The following SPAG16 variants were observed in gnomAD, a reference collection of about 807,000 sequenced individuals.
SPAG16 encodes the protein sperm-associated antigen 16 protein.
Under a neutral mutation model 80.4 loss-of-function variants are expected in SPAG16, and 86 were observed. The ratio of observed to expected loss-of-function variants is 1.07; its 90% CI spans 0.90 to 1.28. The LOEUF (loss-of-function observed/expected upper bound fraction) is 1.28, where lower values mean the gene tolerates loss of function less well. Ranked by LOEUF, SPAG16 falls within the 50% of genes most tolerant of loss-of-function variation. The probability of loss-of-function intolerance (pLI) is 0.00; values close to 1 mark genes in which losing one functional copy is unlikely to be tolerated. For synonymous variants in SPAG16, 294 were observed against 265.9 expected, an observed-to-expected ratio of 1.11 and a Z score of -1.03; for missense variants, 870 against 765.3, an observed-to-expected ratio of 1.14 and a Z score of -1.61.
In SPAG16 at chr2:213,317,270, T is replaced by C; in HGVS notation, c.450T>C (p.Val150=). ...GVTELRTVGN[V]PDVYTQIMLL... is the part of the protein sequence containing the mutation. The stretch of plus-strand genomic sequence containing the variant: ...CTGAACTTAGAACTGTTGGGAATGT[T>C]CCAGATGTCTACACCCAGATTATGC... The change falls in exon 5 of 16, where the codon GTT becomes GTC. Residue 150 remains valine, a synonymous_variant. Transcript: ENST00000331683. 1 of 1,610,462 alleles carries C rather than the reference T, an allele frequency of 6.2e-7. No individual in the cohort carries two copies. The highest frequency in any genetic ancestry group is 8.5e-7 in the Non-Finnish European group (1 of 1,177,786).
chr2:213,701,279 T>C (rs1293688358), intron 10 of SPAG16, among the ~76,000 whole-genome samples: 3 of 152,110 alleles, frequency 2.0e-5, no homozygotes, highest in Admixed American at 6.5e-5. Flanking sequence ...GATGATCTTA[T>C]AGGAAGGGGA....
At chr2:214,251,018 A>T (rs1690254150) in intron 15 of SPAG16, among the ~76,000 whole-genome samples, 1 of 151,782 alleles carries the variant, frequency 6.6e-6, no homozygotes, top group African/African-American at 2.4e-5. Context: ...TATGCACATA[A>T]AGCACTATTG....
At chr2:214,208,960 A>G (rs1016441775) in intron 15 of SPAG16, among the ~76,000 whole-genome samples, 4 of 152,174 alleles carry the variant, frequency 2.6e-5, no homozygotes, top group Admixed American at 6.5e-5. Flanking sequence ...TTTTATGGTT[A>G]CGGGATGAAG....
intron 6 of SPAG16, among the ~76,000 whole-genome samples, chr2:213,347,895 A>G (rs1048632022): frequency 2.0e-5 from 3 of 152,122 alleles, no homozygotes; most frequent in East Asian, 1.9e-4. Context: ...GTAGATGTCT[A>G]TTAGGTCTGC....
intron 14 of SPAG16, among the ~76,000 whole-genome samples, chr2:214,141,281 A>G (rs1375329841): frequency 6.6e-6 from 1 of 152,006 alleles, no homozygotes; most frequent in Non-Finnish European, 1.5e-5. Context: ...ATCCTTGCCA[A>G]CATGGTGAAA....
chr2:213,659,559 A>T (rs2063343772), intron 10 of SPAG16, among the ~76,000 whole-genome samples: 1 of 152,198 alleles, frequency 6.6e-6, no homozygotes. Context: ...TGGATGATAC[A>T]ACTACAAGCA....
At chr2:213,715,070 T>A (rs2066169873) in intron 10 of SPAG16, among the ~76,000 whole-genome samples, 1 of 152,176 alleles carries the variant, frequency 6.6e-6, no homozygotes, top group Non-Finnish European at 1.5e-5. Flanking sequence ...TTCAGTGTGA[T>A]CACTGTGACT....
At chr2:213,472,009 A>G (rs750803535) in intron 9 of SPAG16, among the ~76,000 whole-genome samples, 2 of 152,216 alleles carry the variant, frequency 1.3e-5, no homozygotes, top group East Asian at 1.9e-4. Context: ...GCATGCAAAT[A>G]TATCACCAAT....
At chr2:214,003,739 A>T (rs763093012) in intron 12 of SPAG16, among the ~76,000 whole-genome samples, 1 of 152,182 alleles carries the variant, frequency 6.6e-6, no homozygotes, top group Non-Finnish European at 1.5e-5. Flanking sequence ...ATTTAAAGAT[A>T]ATTTATTTAA....
chr2:213,334,112 GA>G (rs1238741718), intron 5 of SPAG16, among the ~76,000 whole-genome samples: 1 of 151,774 alleles, frequency 6.6e-6, no homozygotes, highest in Admixed American at 6.6e-5. Context: ...AACTCTATAG[GA>G]AAAAAGTCTA....
At chr2:213,988,228 G>A (rs1042031109) in intron 12 of SPAG16, among the ~76,000 whole-genome samples, 39 of 152,126 alleles carry the variant, frequency 2.6e-4, no homozygotes, top group African/African-American at 8.7e-4. Context: ...TATAGAACTT[G>A]AACAGCACTA....
intron 10 of SPAG16, among the ~76,000 whole-genome samples, chr2:213,701,427 C>T (rs1361568513): frequency 6.6e-6 from 1 of 152,134 alleles, no homozygotes; most frequent in Non-Finnish European, 1.5e-5. Context: ...ACTCTTGGCG[C>T]CTCCTCGGTC....
chr2:213,852,324 C>G (rs1213384676), intron 10 of SPAG16, among the ~76,000 whole-genome samples: 1 of 152,190 alleles, frequency 6.6e-6, no homozygotes, highest in Non-Finnish European at 1.5e-5. Context: ...TTCCACAGAG[C>G]AGCTACAGAT....
At chr2:214,325,735 T>TTA (rs1696427666) in intron 15 of SPAG16, among the ~76,000 whole-genome samples, 1 of 147,232 alleles carries the variant, frequency 6.8e-6, no homozygotes, top group Admixed American at 6.8e-5. Context: ...TTTTTTTTTT[T>TTA]ACATGTATTC....
chr2:213,748,428 T>C (rs1559434196), intron 10 of SPAG16, among the ~76,000 whole-genome samples: 2 of 152,086 alleles, frequency 1.3e-5, no homozygotes, highest in Non-Finnish European at 2.9e-5. Flanking sequence ...GTTTATGTTC[T>C]TTTCCAAGTC....
chr2:214,073,311 A>G (rs2125233238), intron 13 of SPAG16, among the ~76,000 whole-genome samples: 1 of 149,494 alleles, frequency 6.7e-6, no homozygotes, highest in Middle Eastern at 3.4e-3. Flanking sequence ...ATCTTGGCTC[A>G]CTGCAACCTC....
intron 10 of SPAG16, among the ~76,000 whole-genome samples, chr2:213,784,455 C>T (rs1010285486): frequency 1.4e-5 from 2 of 147,270 alleles, no homozygotes; most frequent in African/African-American, 5.0e-5. Flanking sequence ...TCAGTAAAAC[C>T]AATAAAGCCT....
intron 10 of SPAG16, among the ~76,000 whole-genome samples, chr2:213,819,638 G>T (rs2072804610): frequency 6.6e-6 from 1 of 152,084 alleles, no homozygotes; most frequent in African/African-American, 2.4e-5. Flanking sequence ...TTGTTCTCCT[G>T]GGCTCAAGGA....
intron 15 of SPAG16, among the ~76,000 whole-genome samples, chr2:214,381,649 C>T (rs1333636412): frequency 1.3e-5 from 2 of 152,184 alleles, no homozygotes; most frequent in Non-Finnish European, 2.9e-5. Flanking sequence ...AGCTCAGAGA[C>T]TCCAGGTGAA....
Sources: gnomAD v4.1 joint callset for allele counts (sites outside exome capture counted in the v4.1 genomes callset) on GRCh38, gnomAD v4.1.1 for gene constraint, MANE v1.5 for transcripts, NCBI Gene and HGNC (gene_info 2026-07-23, HGNC 2026-07-21) for gene names.